ARHGAP42: variants seen among roughly 807,000 people sequenced by gnomAD.
The protein encoded by ARHGAP42 is Rho GTPase activating protein 42, also known as rho GTPase-activating protein 42.
Under a neutral mutation model 125.0 loss-of-function variants are expected in ARHGAP42, and 63 were observed. That is an observed-to-expected ratio of 0.50 (90% CI 0.41 to 0.62). The LOEUF is 0.62. Among genes scored for constraint, ARHGAP42 ranks in the 20% least tolerant of loss-of-function variants. The pLI, the probability that ARHGAP42 is intolerant of heterozygous loss-of-function variation, is 0.00. For missense variants in ARHGAP42, 766 were observed against 1,024.2 expected (o/e 0.75, Z 3.44); for synonymous variants, 339 against 351.0 (o/e 0.97, Z 0.38).
intron 1 of ARHGAP42, among the ~76,000 whole-genome samples, chr11:100,744,865 G>C (rs1862265089): frequency 6.6e-6 from 1 of 152,112 alleles, no homozygotes; most frequent in African/African-American, 2.4e-5. Context: ...CAATGTACTT[G>C]GGATGCGCCC....
At chr11:100,791,628 T>C (rs566671483) in intron 2 of ARHGAP42, among the ~76,000 whole-genome samples, 2 of 151,686 alleles carry the variant, frequency 1.3e-5, no homozygotes, top group Admixed American at 1.3e-4. Flanking sequence ...GAACTGAGAC[T>C]ACAAAATTTA....
At chr11:100,717,357 G>A (rs1313720895) in intron 1 of ARHGAP42, among the ~76,000 whole-genome samples, 2 of 152,144 alleles carry the variant, frequency 1.3e-5, no homozygotes, top group South Asian at 2.1e-4. Context: ...CCATATATAG[G>A]CCGGGCGCGG....
At chr11:100,872,731 C>T (rs1326653367) in intron 4 of ARHGAP42, among the ~76,000 whole-genome samples, 1 of 152,128 alleles carries the variant, frequency 6.6e-6, no homozygotes. Context: ...TGCCCTTCTA[C>T]CTCATTCTCC....
chr11:100,780,189 T>C (rs612090), intron 2 of ARHGAP42, among the ~76,000 whole-genome samples: 75,915 of 151,814 alleles, frequency 0.5, 19,817 homozygotes, highest in South Asian at 0.63. Context: ...CAAATTTTGC[T>C]CTCATGGAGT....
chr11:100,971,022 G>A (rs796648310), intron 17 of ARHGAP42, among the ~76,000 whole-genome samples: 2 of 152,212 alleles, frequency 1.3e-5, no homozygotes, highest in African/African-American at 4.8e-5. Context: ...AGAAGAGAGG[G>A]AGCCCTGTCT....
intron 1 of ARHGAP42, among the ~76,000 whole-genome samples, chr11:100,700,304 T>C (rs1384317316): frequency 6.6e-6 from 1 of 152,208 alleles, no homozygotes; most frequent in African/African-American, 2.4e-5. Context: ...GGGTCTTTCC[T>C]TGATGTTCAT....
intron 1 of ARHGAP42, among the ~76,000 whole-genome samples, chr11:100,725,000 A>G (rs115223414): frequency 0.027 from 4,025 of 147,432 alleles, 69 homozygotes; most frequent in Non-Finnish European, 0.033. Context: ...TTACACCCCA[A>G]AATTTTTATA....
intron 17 of ARHGAP42, among the ~76,000 whole-genome samples, chr11:100,967,859 A>G (rs1214696497): frequency 2.0e-5 from 3 of 152,058 alleles, no homozygotes; most frequent in Admixed American, 6.6e-5. Context: ...TACTAGAGGC[A>G]TGTGACACCA....
intron 1 of ARHGAP42, among the ~76,000 whole-genome samples, chr11:100,711,821 T>C (rs1861569890): frequency 6.6e-6 from 1 of 152,226 alleles, no homozygotes; most frequent in Non-Finnish European, 1.5e-5. Context: ...GCTGTTAGCC[T>C]ATGAGAAGAT....
rs564087046 is a variant in ARHGAP42 at position 100,874,517 on chromosome 11, G to A, written c.384+14892G>A. Reference sequence around the variant, plus strand: ...GGACACCTCGGGCCTGTGTCAGATCGCAAAGGTCTTTGACTGTAAGCTCCC... The same window carrying A: ...GGACACCTCGGGCCTGTGTCAGATCACAAAGGTCTTTGACTGTAAGCTCCC... On this transcript the variant is annotated intron_variant, in intron 4 of 23. Transcript: ENST00000298815. 4.6e-5 allele frequency among the ~76,000 whole-genome samples: 7 copies of A among 152,234 alleles called. No individual in the cohort carries two copies. In the East Asian group the frequency reaches 9.7e-4, roughly 21 times the overall value.
intron 6 of ARHGAP42, among the ~76,000 whole-genome samples, chr11:100,926,850 G>A (rs1332598045): frequency 2.0e-5 from 3 of 152,166 alleles, no homozygotes; most frequent in African/African-American, 4.8e-5. Flanking sequence ...TTAAAGCCCT[G>A]TGTGGCTTTT....
intron 6 of ARHGAP42, among the ~76,000 whole-genome samples, chr11:100,926,458 A>G (rs1462569589): frequency 6.6e-6 from 1 of 152,220 alleles, no homozygotes; most frequent in East Asian, 1.9e-4. Flanking sequence ...AAAATGGACG[A>G]TTAGAAAATT....
At chr11:100,975,540 G>A (rs1858367426) in intron 19 of ARHGAP42, among the ~76,000 whole-genome samples, 1 of 152,092 alleles carries the variant, frequency 6.6e-6, no homozygotes, top group South Asian at 2.1e-4. Context: ...GAAAATTGAG[G>A]TACTTGTAAT....
In ARHGAP42 at chr11:100,992,815, G is replaced by A; in HGVS notation, c.*4014G>A. ...AGAATGTTGACAACATTCACAGTAA[G>A]CCATTGGCAGAAAATTGATCTGCAT... is the stretch of plus-strand genomic sequence containing the variant. On this transcript the variant is annotated 3_prime_UTR_variant, in exon 24 of 24. Coordinates refer to ENST00000298815, the MANE Select transcript of ARHGAP42 (RefSeq NM_152432.4). 8.0e-7 allele frequency: 1 copy of A among 1,242,264 alleles called. No homozygotes were observed. The highest frequency in any genetic ancestry group is 1.1e-6 in the Non-Finnish European group (1 of 895,400). The allele number at this position is 1,242,264 out of a possible 1,614,324, so 77.0% of individuals were successfully genotyped here.
At chr11:100,873,154 C>T (rs1865735306) in intron 4 of ARHGAP42, among the ~76,000 whole-genome samples, 1 of 152,108 alleles carries the variant, frequency 6.6e-6, no homozygotes, top group Non-Finnish European at 1.5e-5. Flanking sequence ...AAAGAGAAGA[C>T]AGGGAAAGGA....
At chr11:100,689,129 C>G (rs1861142649) in intron 1 of ARHGAP42, among the ~76,000 whole-genome samples, 1 of 152,120 alleles carries the variant, frequency 6.6e-6, no homozygotes, top group Non-Finnish European at 1.5e-5. Context: ...TGTTACTTAA[C>G]CAAGGTAAAG....
At chr11:100,778,733 T>G (rs898637112) in intron 2 of ARHGAP42, among the ~76,000 whole-genome samples, 3 of 152,212 alleles carry the variant, frequency 2.0e-5, no homozygotes, top group African/African-American at 4.8e-5. Context: ...TGAAGCACTT[T>G]ATTTGACTTA....
chr11:100,871,639 C>T (rs1416289139), intron 4 of ARHGAP42, among the ~76,000 whole-genome samples: 2 of 151,742 alleles, frequency 1.3e-5, no homozygotes, highest in Admixed American at 6.6e-5. Context: ...ATACAATTTT[C>T]ATGTTTATTC....
chr11:100,865,060 T>C (rs1225058754), intron 4 of ARHGAP42, among the ~76,000 whole-genome samples: 1 of 152,228 alleles, frequency 6.6e-6, no homozygotes, highest in African/African-American at 2.4e-5. Context: ...CTGTGGTATG[T>C]ATATAGAAAT....
Sources: gnomAD v4.1 joint callset for allele counts (sites outside exome capture counted in the v4.1 genomes callset) on GRCh38, gnomAD v4.1.1 for gene constraint, MANE v1.5 for transcripts, NCBI Gene and HGNC (gene_info 2026-07-23, HGNC 2026-07-21) for gene names.